LZTFL1: variants seen among roughly 807,000 people sequenced by gnomAD.
LZTFL1 encodes the protein leucine zipper transcription factor-like protein 1.
In LZTFL1, 25 loss-of-function variants were observed where a neutral mutation model predicts 45.9. That is an observed-to-expected ratio of 0.54 (90% confidence interval 0.40 to 0.76). The LOEUF is 0.76. Ranked by LOEUF, LZTFL1 falls within the 30% of genes least tolerant of loss-of-function variation. The pLI, the probability that LZTFL1 is intolerant of heterozygous loss-of-function variation, is 0.00. For missense variants in LZTFL1, 277 were observed against 331.1 expected (o/e 0.84, Z 1.27); for synonymous variants, 93 against 117.4 (o/e 0.79, Z 1.35).
rs1702654233 is a variant in LZTFL1, at chr3:45,905,072, TG to T, written c.-215+8047del. ...GACTTTGAAAAAAGAGAAGTAATCA[TG>T]GGCTCCAGCACCTGCACCTGACATG... On this transcript the variant is annotated intron_variant, in intron 2 of 4. Transcript: ENST00000472635. Among the ~76,000 whole-genome samples, 4 of 152,292 alleles carry T rather than the reference TG, an allele frequency of 2.6e-5. No homozygotes were observed. In the South Asian group the frequency reaches 8.3e-4, roughly 32 times the overall value.
intron 2 of LZTFL1, among the ~76,000 whole-genome samples, chr3:45,909,003 C>T (rs576021016): frequency 9.9e-5 from 15 of 152,144 alleles, no homozygotes; most frequent in Non-Finnish European, 1.5e-4. Flanking sequence ...ATATCAGTGG[C>T]GGCATTAGAT....
chr3:45,838,031 C>T lies in LZTFL1; in HGVS notation c.24G>A (p.Glu8=). 1.9e-6 allele frequency: 3 copies of T among 1,608,776 alleles called. No individual in the cohort carries two copies. In the South Asian group the frequency reaches 3.3e-5, roughly 18 times the overall value. Residue 8 remains glutamate, a synonymous_variant, in exon 2 of 10, where the codon GAG becomes GAA. Coordinates refer to ENST00000296135, the MANE Select transcript of LZTFL1 (RefSeq NM_020347.4). ...AATTAATAACTTCATTTTGATGGTG[C>T]TCATTTAGGCCCAACTCTGCCTGAA... is the stretch of plus-strand genomic sequence containing the variant. The part of the protein sequence containing the change: MAELGLN[E]HHQNEVINYM...
intron 2 of LZTFL1, among the ~76,000 whole-genome samples, chr3:45,910,816 C>G (rs1281944353): frequency 6.6e-6 from 1 of 152,108 alleles, no homozygotes; most frequent in Non-Finnish European, 1.5e-5. Context: ...AAACAATAAC[C>G]ATTTTATTTT....
At chr3:45,886,404 G>A (rs967740345) in intron 2 of LZTFL1, 3 of 152,228 alleles carry the variant, frequency 2.0e-5, no homozygotes, top group African/African-American at 7.2e-5. Flanking sequence ...TTTGTTTCTG[G>A]TTGCAAATGA....
At chr3:45,848,872 T>A (rs894867756) in intron 4 of LZTFL1, among the ~76,000 whole-genome samples, 1 of 152,246 alleles carries the variant, frequency 6.6e-6, no homozygotes, top group South Asian at 2.1e-4. Flanking sequence ...TCCGAATTTT[T>A]TGATATTTCC....
At chr3:45,912,252 C>A (rs1702808501) in intron 2 of LZTFL1, among the ~76,000 whole-genome samples, 1 of 152,154 alleles carries the variant, frequency 6.6e-6, no homozygotes, top group Non-Finnish European at 1.5e-5. Context: ...GGGTGTTTTA[C>A]TGAAGATGAA....
At position 45,892,352 on chromosome 3, in the gene LZTFL1, C is replaced by T. The variant is rs75514159; in HGVS notation, c.-215+20768G>A. ...TAGACTGGATAAGGAAAATGTGGTA[C>T]ATATACATCATGGAATACTACACAG... On this transcript the variant is annotated intron_variant, in intron 2 of 4. Transcript: ENST00000472635. Among the ~76,000 whole-genome samples the T allele has an allele frequency of 8.9e-4, 135 of 152,222 alleles. 1 individual carries two copies. The highest frequency in any genetic ancestry group is 3.4e-3 in the Middle Eastern group (1 of 294).
At chr3:45,878,027 T>G (rs1439643192) in intron 2 of LZTFL1, among the ~76,000 whole-genome samples, 1 of 152,234 alleles carries the variant, frequency 6.6e-6, no homozygotes, top group East Asian at 1.9e-4. Context: ...ATTACAGGCA[T>G]GAGCCACCGC....
upstream of LZTFL1, among the ~76,000 whole-genome samples, chr3:45,846,764 G>A (rs113959037): frequency 4.9e-3 from 740 of 152,064 alleles, 4 homozygotes; most frequent in Middle Eastern, 0.01. Flanking sequence ...TTGCTGTCTC[G>A]GGTGGCAGAG....
At chr3:45,846,575 A>G (rs1283213702), upstream of LZTFL1, among the ~76,000 whole-genome samples, 1 of 152,222 alleles carries the variant, frequency 6.6e-6, no homozygotes, top group Non-Finnish European at 1.5e-5. Flanking sequence ...ATGAGCATAC[A>G]TTATGCATTA....
intron 2 of LZTFL1, among the ~76,000 whole-genome samples, chr3:45,869,546 C>G (rs1701637341): frequency 6.6e-6 from 1 of 152,176 alleles, no homozygotes; most frequent in Non-Finnish European, 1.5e-5. Context: ...TAAGAAGGAG[C>G]ATACTTCCTC....
At chr3:45,848,065 T>C (rs751524062) in intron 4 of LZTFL1, among the ~76,000 whole-genome samples, 1 of 152,242 alleles carries the variant, frequency 6.6e-6, no homozygotes, top group Non-Finnish European at 1.5e-5. Flanking sequence ...ATTCTCTGGC[T>C]TTAGATCCTT....
chr3:45,908,547 A>G (rs1209331581), intron 2 of LZTFL1, among the ~76,000 whole-genome samples: 1 of 152,044 alleles, frequency 6.6e-6, no homozygotes, highest in Non-Finnish European at 1.5e-5. Flanking sequence ...TCTGCTCTGG[A>G]AAGGGGAGCC....
chr3:45,857,784 T>C (rs1019297641), intron 3 of LZTFL1, among the ~76,000 whole-genome samples: 3 of 152,210 alleles, frequency 2.0e-5, no homozygotes, highest in African/African-American at 2.4e-5. Context: ...AGATTTCTCA[T>C]AAACCTTCTG....
chr3:45,912,994 CT>C (rs1411510169), intron 2 of LZTFL1: 19 of 964,868 alleles, frequency 2.0e-5, no homozygotes, highest in Non-Finnish European at 2.7e-5. Flanking sequence ...TATGGAAAAG[CT>C]TTTTATAAGT....
At chr3:45,827,094 T>C in intron 9 of LZTFL1, 2 of 414,842 alleles carry the variant, frequency 4.8e-6, no homozygotes, top group Non-Finnish European at 8.5e-6. Flanking sequence ...TCTGACATCC[T>C]GCTAAGTGAA....
At chr3:45,908,727 T>C (rs187454347) in intron 2 of LZTFL1, among the ~76,000 whole-genome samples, 2 of 152,366 alleles carry the variant, frequency 1.3e-5, no homozygotes, top group East Asian at 3.9e-4. Context: ...TGTCCATGCA[T>C]GCAATTGGTT....
intron 2 of LZTFL1, among the ~76,000 whole-genome samples, chr3:45,873,476 A>G (rs937898127): frequency 1.3e-5 from 2 of 152,180 alleles, no homozygotes; most frequent in African/African-American, 4.8e-5. Context: ...ATTTTTATTA[A>G]TATTAATAAA....
Position 45,901,910 on chromosome 3 carries a change from T to A in LZTFL1, c.-215+11210A>T. The stretch of plus-strand genomic sequence containing the variant: ...CACTCTCCCTCTGAGGGGTCTTCTC[T>A]GAGGTGCATGGTTCTTTTGGAAGAA... On this transcript the variant is annotated intron_variant, in intron 2 of 4. Transcript: ENST00000472635. This position sits in a 1 kb window ranked among gnomAD's most constrained non-coding sequence, Gnocchi z 4.3. 1 of 1,553,394 alleles carries A rather than the reference T, an allele frequency of 6.4e-7. No individual in the cohort carries two copies. Among genetic ancestry groups the A allele is most frequent in the Non-Finnish European group, 8.7e-7 (1 of 1,148,082 alleles).
Sources: allele counts gnomAD v4.1 joint callset (sites outside exome capture counted in the v4.1 genomes callset), GRCh38; gene constraint gnomAD v4.1.1; non-coding constraint Gnocchi (gnomAD v3.1); transcripts MANE v1.5; gene names NCBI Gene and HGNC (gene_info 2026-07-23, HGNC 2026-07-21).